Variants in LARGE1 observed in about 807,000 individuals in gnomAD.
LARGE1 encodes the protein LARGE xylosyl- and glucuronyltransferase 1.
A neutral mutation model predicts 87.6 loss-of-function variants in LARGE1; 43 were observed. The observed-to-expected ratio is 0.49, with a 90% CI of 0.38 to 0.63. LARGE1 has a LOEUF of 0.63. Among genes scored for constraint, LARGE1 ranks in the 30% least tolerant of loss-of-function variants. The pLI is 0.00. For missense variants in LARGE1, 802 were observed against 1,000.2 expected (o/e 0.80, Z 2.67); for synonymous variants, 434 against 394.6 (o/e 1.10, Z -1.18).
intron 6 of LARGE1, among the ~76,000 whole-genome samples, chr22:33,434,824 G>A (rs1418590576): frequency 6.6e-6 from 1 of 152,024 alleles, no homozygotes; most frequent in African/African-American, 2.4e-5. Context: ...CTCTCCCTTG[G>A]CAGGCATTGC....
intron 11 of LARGE1, among the ~76,000 whole-genome samples, chr22:33,246,773 C>T (rs759437943): frequency 4.6e-5 from 7 of 152,164 alleles, no homozygotes; most frequent in Non-Finnish European, 8.8e-5. Context: ...TTCTCAAATA[C>T]GTGTAATGTA....
In LARGE1 at chr22:33,660,593, G is replaced by A. The variant is rs73882287; in HGVS notation, c.107-9925C>T. 5.9e-3 allele frequency among the ~76,000 whole-genome samples: 893 copies of A among 152,274 alleles called. 10 individuals carry two copies. The highest frequency in any genetic ancestry group is 0.021 in the African/African-American group (854 of 41,556). Reference sequence around the variant, plus strand: ...GCGTTAGTGACGGTCTCCAATGGTTGAGTCTGAGAAAGCATCCTTTCTCCT... The same window carrying A: ...GCGTTAGTGACGGTCTCCAATGGTTAAGTCTGAGAAAGCATCCTTTCTCCT... On this transcript the variant is annotated intron_variant, in intron 2 of 14. Transcript: ENST00000397394.
chr22:33,295,470 A>G (rs1229977356), intron 12 of LARGE1, among the ~76,000 whole-genome samples: 1 of 152,350 alleles, frequency 6.6e-6, no homozygotes, highest in Middle Eastern at 3.4e-3. Context: ...AGACGTAAGC[A>G]TGGCTTTTGA....
chr22:33,399,806 C>T (rs1195266053), intron 7 of LARGE1, among the ~76,000 whole-genome samples: 1 of 152,186 alleles, frequency 6.6e-6, no homozygotes, highest in African/African-American at 2.4e-5. Flanking sequence ...CCTCGGCCTC[C>T]CAAAGTGCTG....
intron 2 of LARGE1, among the ~76,000 whole-genome samples, chr22:33,754,047 G>A (rs2084417214): frequency 6.6e-6 from 1 of 152,000 alleles, no homozygotes; most frequent in Non-Finnish European, 1.5e-5. Flanking sequence ...GGGCAATAGA[G>A]CAAGACTCCA....
At chr22:33,460,775 A>G (rs1361753528) in intron 6 of LARGE1, among the ~76,000 whole-genome samples, 1 of 152,218 alleles carries the variant, frequency 6.6e-6, no homozygotes, top group Admixed American at 6.5e-5. Context: ...GATCCCCCAG[A>G]AGTCACACCT....
At chr22:33,131,886 C>T in the LARGE1 span, among the ~76,000 whole-genome samples, 11 of 152,178 alleles carry the variant, frequency 7.2e-5, no homozygotes, top group Non-Finnish European at 1.0e-4. Flanking sequence ...ATTGGACTCA[C>T]GGTTCCATAT....
intron 1 of LARGE1, among the ~76,000 whole-genome samples, chr22:33,855,323 G>A (rs1442929257): frequency 6.6e-6 from 1 of 152,084 alleles, no homozygotes; most frequent in East Asian, 1.9e-4. Flanking sequence ...AAGACAGCGG[G>A]ACCCCGTCTC....
intron 12 of LARGE1, among the ~76,000 whole-genome samples, chr22:33,286,143 G>A (rs1444537025): frequency 1.3e-5 from 2 of 152,186 alleles, no homozygotes; most frequent in African/African-American, 4.8e-5. Context: ...GAGGACCAGA[G>A]GTTTGAGTCA....
At chr22:33,919,951 A>AC (rs921617232) in intron 1 of LARGE1, 44 bp downstream of exon 1, 3 of 152,238 alleles carry the variant, frequency 2.0e-5, no homozygotes, top group Non-Finnish European at 4.4e-5. Context: ...GGCGCTACAC[A>AC]CCACGGCGCC....
chr22:33,558,608 GTC>G (rs1441346753), intron 6 of LARGE1, among the ~76,000 whole-genome samples: 2 of 152,118 alleles, frequency 1.3e-5, no homozygotes, highest in Non-Finnish European at 2.9e-5. Context: ...TTGAAGCTTG[GTC>G]TCTTTTTTGC....
At chr22:33,581,463 GAAAT>G (rs2078516038) in intron 5 of LARGE1, among the ~76,000 whole-genome samples, 2 of 152,088 alleles carry the variant, frequency 1.3e-5, no homozygotes, top group Admixed American at 1.3e-4. Flanking sequence ...ACTTTGTTTA[GAAAT>G]AAATAAAGTT....
At chr22:33,858,905 G>C (rs1232862884) in intron 1 of LARGE1, among the ~76,000 whole-genome samples, 1 of 152,186 alleles carries the variant, frequency 6.6e-6, no homozygotes, top group South Asian at 2.1e-4. Context: ...CATGGGTTAA[G>C]CTGGAAACCA....
chr22:33,414,931 C>T (rs2066433862), intron 7 of LARGE1, among the ~76,000 whole-genome samples: 1 of 152,226 alleles, frequency 6.6e-6, no homozygotes, highest in South Asian at 2.1e-4. Context: ...TTGGACTTCC[C>T]AGCCTCCAGA....
At chr22:33,248,724 A>C (rs1227645474) in intron 11 of LARGE1, among the ~76,000 whole-genome samples, 2 of 151,234 alleles carry the variant, frequency 1.3e-5, no homozygotes, top group African/African-American at 2.4e-5. Context: ...AACTCCCAAC[A>C]CTCCCTCCAC....
the LARGE1 span, among the ~76,000 whole-genome samples, chr22:33,149,289 G>T: frequency 6.6e-6 from 1 of 151,920 alleles, no homozygotes; most frequent in South Asian, 2.1e-4. Flanking sequence ...TGATCCGCCC[G>T]CCTTGGCCTC....
At chr22:33,295,133 A>G (rs982533539) in intron 12 of LARGE1, among the ~76,000 whole-genome samples, 19 of 152,156 alleles carry the variant, frequency 1.2e-4, no homozygotes, top group Non-Finnish European at 2.2e-4. Context: ...ATGCACTCAT[A>G]TTCTCGTGGA....
intron 6 of LARGE1, among the ~76,000 whole-genome samples, chr22:33,546,229 C>T (rs891449941): frequency 3.3e-5 from 5 of 152,204 alleles, no homozygotes; most frequent in African/African-American, 7.2e-5. Context: ...CCAAACCCTC[C>T]GATCTCACCA....
exon 12 of LARGE1, chr22:33,164,308 C>G (rs1922148527): frequency 6.6e-6 from 1 of 152,156 alleles, no homozygotes; most frequent in South Asian, 2.1e-4. Context: ...TTCTGCAATT[C>G]TCATAGATTC....
Sources: allele counts gnomAD v4.1 joint callset (sites outside exome capture counted in the v4.1 genomes callset), GRCh38; gene constraint gnomAD v4.1.1; transcripts MANE v1.5; gene names NCBI Gene and HGNC (gene_info 2026-07-23, HGNC 2026-07-21).